The following TTC17 variants were observed in gnomAD, a reference collection of about 807,000 sequenced individuals.
TTC17 encodes tetratricopeptide repeat protein 17.
In TTC17, 58 loss-of-function variants were observed where a neutral mutation model predicts 143.8. That is an observed-to-expected ratio of 0.40 (90% CI 0.33 to 0.50). TTC17 has a LOEUF of 0.50. TTC17 is among the 20% of genes least tolerant of loss of function. The pLI, the probability that TTC17 is intolerant of heterozygous loss-of-function variation, is 0.49. For missense variants in TTC17, 1,273 were observed against 1,392.5 expected (o/e 0.91, Z 1.37); for synonymous variants, 501 against 497.8 (o/e 1.01, Z -0.09).
chr11:43,433,873 C>T (rs1947217211), intron 16 of TTC17, among the ~76,000 whole-genome samples: 1 of 152,138 alleles, frequency 6.6e-6, no homozygotes, highest in Non-Finnish European at 1.5e-5. Context: ...ATTATTTCCT[C>T]TCTGCTTTTA....
chr11:43,444,229 A>G lies in TTC17; in HGVS notation c.2665+20A>G, dbSNP rs377317839. The G allele has an allele frequency of 2.0e-5, 31 of 1,583,060 alleles. No individual in the cohort carries two copies. The highest frequency in any genetic ancestry group is 2.6e-5 in the Non-Finnish European group (30 of 1,169,852). ...CACAAGGTAAATTTGAATGTTTAAT[A>G]TGCCAGTTTCTTGTTTTAGATGTCA... On this transcript the variant is annotated intron_variant, in intron 18 of 23. Transcript: ENST00000039989.
At chr11:43,410,750 A>G (rs1409986693) in intron 15 of TTC17, among the ~76,000 whole-genome samples, 1 of 152,182 alleles carries the variant, frequency 6.6e-6, no homozygotes, top group Non-Finnish European at 1.5e-5. Context: ...CGCTGTTCCA[A>G]ATTTATTCTT....
chr11:43,391,966 CACTT>C lies in TTC17; in HGVS notation c.663+16_663+19del, dbSNP rs1857407076. 6.3e-7 allele frequency: 1 copy of C among 1,597,870 alleles called. No individual in the cohort carries two copies. Among genetic ancestry groups the C allele is most frequent in the Non-Finnish European group, 8.5e-7 (1 of 1,175,508 alleles). ...GGCCTACAGAAGGTAAGTCATCAGTCACTTAAAGAGCCAGCGGGCTGAGCCAGCG... is the reference window on the plus strand; with the variant it reads ...GGCCTACAGAAGGTAAGTCATCAGTCAAAGAGCCAGCGGGCTGAGCCAGCG... On this transcript the variant is annotated intron_variant, in intron 5 of 23. Coordinates refer to ENST00000039989, the MANE Select transcript of TTC17 (RefSeq NM_018259.6).
rs749546936 is a variant in TTC17, at chr11:43,379,271, A to G, written c.198A>G (p.Leu66=). 1.9e-6 allele frequency: 3 copies of G among 1,612,730 alleles called. No individual in the cohort carries two copies. Among genetic ancestry groups the G allele is most frequent in the African/African-American group, 2.7e-5 (2 of 74,982 alleles). ...SPMNLKHPHD[L]VILMRQEATV... ...TGAACTTGAAGCATCCTCATGACCT[A>G]GTCATATTAATGAGACAAGAAGCAA... The change falls in exon 2 of 24, where the codon CTA becomes CTG. Residue 66 remains leucine, a synonymous_variant. Coordinates refer to ENST00000039989, the MANE Select transcript of TTC17 (RefSeq NM_018259.6).
chr11:43,417,099 A>G (rs1946795889), intron 16 of TTC17, among the ~76,000 whole-genome samples: 1 of 152,176 alleles, frequency 6.6e-6, no homozygotes, highest in Non-Finnish European at 1.5e-5. Flanking sequence ...TTTTTCTTTG[A>G]CAATGATTTT....
chr11:43,389,154 G>A lies in TTC17; in HGVS notation c.250-498G>A, dbSNP rs189085189. Among the ~76,000 whole-genome samples the A allele has an allele frequency of 7.2e-5, 11 of 151,812 alleles. No individual in the cohort carries two copies. In the East Asian group the frequency reaches 1.7e-3, roughly 24 times the overall value. ...ACACTGTCTCAAAAAAAAAAAAAGG[G>A]TGGAGGGGGGAGATAAAATATTGGC... On this transcript the variant is annotated intron_variant, in intron 2 of 23. Transcript: ENST00000039989.
intron 2 of TTC17, among the ~76,000 whole-genome samples, chr11:43,383,584 A>C (rs1445380231): frequency 6.7e-6 from 1 of 149,498 alleles, no homozygotes; most frequent in East Asian, 2.0e-4. Flanking sequence ...GGCTGGCCTT[A>C]AACTCCTGAC....
At chr11:43,422,639 T>A (rs1590394682) in intron 16 of TTC17, among the ~76,000 whole-genome samples, 2 of 152,004 alleles carry the variant, frequency 1.3e-5, no homozygotes, top group South Asian at 2.1e-4. Context: ...GAAGAAAATG[T>A]TTTAAGGGGT....
intron 1 of TTC17, among the ~76,000 whole-genome samples, chr11:43,375,466 T>G (rs995910663): frequency 6.6e-6 from 1 of 152,214 alleles, no homozygotes; most frequent in Non-Finnish European, 1.5e-5. Flanking sequence ...TCTTAATATT[T>G]AAATAACTAT....
chr11:43,432,806 C>G (rs1245529949), intron 16 of TTC17, among the ~76,000 whole-genome samples: 1 of 152,150 alleles, frequency 6.6e-6, no homozygotes, highest in African/African-American at 2.4e-5. Flanking sequence ...CCCCTTTGAG[C>G]TGGAGCAGAC....
intron 8 of TTC17, 142 bp from the exon 9 acceptor site, chr11:43,399,746 T>C: frequency 2.7e-6 from 2 of 730,288 alleles, no homozygotes; most frequent in South Asian, 2.6e-5. Flanking sequence ...ATTCTTGAAC[T>C]GGTGATACAG....
At chr11:43,377,338 A>G (rs757015586) in intron 1 of TTC17, among the ~76,000 whole-genome samples, 14 of 152,178 alleles carry the variant, frequency 9.2e-5, no homozygotes, top group Non-Finnish European at 1.9e-4. Flanking sequence ...ACCATCACAT[A>G]TGCAGTCTGC....
intron 21 of TTC17, among the ~76,000 whole-genome samples, chr11:43,454,804 A>G (rs1023315811): frequency 1.3e-5 from 2 of 152,040 alleles, no homozygotes; most frequent in African/African-American, 4.8e-5. Flanking sequence ...TGTATCCAGA[A>G]ACAAATGTCA....
chr11:43,487,624 A>G (rs937093752), intron 21 of TTC17, among the ~76,000 whole-genome samples: 1 of 152,244 alleles, frequency 6.6e-6, no homozygotes, highest in Non-Finnish European at 1.5e-5. Flanking sequence ...TTTAAATCCA[A>G]CCAAGCTGTC....
chr11:43,387,232 A>G (rs546903072), intron 2 of TTC17, among the ~76,000 whole-genome samples: 1 of 152,372 alleles, frequency 6.6e-6, no homozygotes, highest in African/African-American at 2.4e-5. Context: ...TCCATATTTT[A>G]TAGTGTATTA....
rs377003418 is a variant in TTC17 at position 43,443,304 on chromosome 11, G to C, written c.2252-21G>C. ...TGAGTACTGTGTACCTTTTACTAAC[G>C]TGCTGGCCCTTGAATTTCAGGTACG... On this transcript the variant is annotated intron_variant, in intron 16 of 23. Coordinates refer to ENST00000039989, the MANE Select transcript of TTC17 (RefSeq NM_018259.6). 9.9e-6 allele frequency: 16 copies of C among 1,612,472 alleles called. No individual in the cohort carries two copies. The African/African-American group carries it at 2.0e-4, about 20-fold the overall frequency.
At chr11:43,438,322 T>C (rs1947338187) in intron 16 of TTC17, among the ~76,000 whole-genome samples, 1 of 152,174 alleles carries the variant, frequency 6.6e-6, no homozygotes, top group African/African-American at 2.4e-5. Context: ...CACACCCAGC[T>C]AATTTTTTTG....
chr11:43,399,856 C>T (rs780419306), intron 8 of TTC17, 32 bp from the exon 9 acceptor site: 1 of 1,570,498 alleles, frequency 6.4e-7, no homozygotes, highest in South Asian at 1.2e-5. Context: ...TTTTATAGCT[C>T]TAACTTTTTC....
intron 8 of TTC17, among the ~76,000 whole-genome samples, chr11:43,398,369 A>G (rs535647734): frequency 2.4e-4 from 37 of 152,320 alleles, no homozygotes; most frequent in African/African-American, 7.2e-4. Flanking sequence ...AATGTTTACA[A>G]TTTTGACCAT....
Sources: gnomAD v4.1 joint callset for allele counts (sites outside exome capture counted in the v4.1 genomes callset) on GRCh38, gnomAD v4.1.1 for gene constraint, MANE v1.5 for transcripts, NCBI Gene and HGNC (gene_info 2026-07-23, HGNC 2026-07-21) for gene names.